Variants in SKIL observed in about 807,000 individuals in gnomAD.
The protein encoded by SKIL is SKI like proto-oncogene.
In SKIL, 20 loss-of-function variants were observed where a neutral mutation model predicts 69.6. That is an observed-to-expected ratio of 0.29 (90% CI 0.20 to 0.42). The LOEUF (loss-of-function observed/expected upper bound fraction) is 0.42. Ranked by LOEUF, SKIL falls within the 10% of genes least tolerant of loss-of-function variation. SKIL has a pLI of 1.00. For synonymous variants in SKIL, 310 were observed against 279.9 expected (o/e 1.11, Z -1.08); for missense variants, 745 against 783.1 (o/e 0.95, Z 0.58).
intron 2 of SKIL, among the ~76,000 whole-genome samples, chr3:170,377,694 G>C (rs1282732310): frequency 6.7e-6 from 1 of 148,490 alleles, no homozygotes; most frequent in African/African-American, 2.5e-5. Flanking sequence ...GATTACAGGC[G>C]CCTGCTGCCG....
At chr3:170,384,454 G>A (rs1210955876) in intron 3 of SKIL, 79 bp from the exon 4 acceptor site, 1 of 643,806 alleles carries the variant, frequency 1.6e-6, no homozygotes, top group African/African-American at 1.8e-5. Context: ...TTTAACCACA[G>A]AAATGCATGT....
intron 2 of SKIL, among the ~76,000 whole-genome samples, chr3:170,377,317 A>G (rs188880796): frequency 2.6e-5 from 4 of 151,066 alleles, no homozygotes; most frequent in African/African-American, 9.7e-5. Flanking sequence ...AGCTCACTGC[A>G]ACCTCTGTTC....
At chr3:170,382,557 C>A (rs6769273) in intron 3 of SKIL, among the ~76,000 whole-genome samples, 5,540 of 151,254 alleles carry the variant, frequency 0.037, 351 homozygotes, top group African/African-American at 0.13. Flanking sequence ...AGCCTGAGCG[C>A]CAGCTGTCAC....
At chr3:170,366,188 TAAAA>T (rs914479704) in intron 2 of SKIL, among the ~76,000 whole-genome samples, 2 of 151,880 alleles carry the variant, frequency 1.3e-5, no homozygotes, top group Non-Finnish European at 2.9e-5. Context: ...GCTTTTGGAT[TAAAA>T]AAAGTCCTGA....
chr3:170,361,392 A>G lies in SKIL; in HGVS notation c.1061A>G (p.Lys354Arg), dbSNP rs995049837. The G allele has an allele frequency of 5.6e-6, 9 of 1,596,046 alleles. No individual in the cohort carries two copies. The East Asian group carries it at 6.7e-5, about 12-fold the overall frequency. Residue 354 changes from lysine (K) to arginine (R), a missense_variant, in exon 2 of 7, where the codon AAG (lysine) becomes AGG (arginine). Coordinates refer to ENST00000259119, the MANE Select transcript of SKIL (RefSeq NM_005414.5). Reference protein sequence around the residue: ...LKIILEEMKEKFSMRSGKRNQ... With the variant: ...LKIILEEMKERFSMRSGKRNQ... Reference sequence around the variant, plus strand: ...ATAATTTTAGAAGAAATGAAGGAGAAGTTTAGCATGAGAAGTGGAAAGAGA... The same window carrying G: ...ATAATTTTAGAAGAAATGAAGGAGAGGTTTAGCATGAGAAGTGGAAAGAGA...
intron 2 of SKIL, among the ~76,000 whole-genome samples, chr3:170,364,935 T>A (rs573380029): frequency 2.4e-4 from 36 of 152,332 alleles, no homozygotes; most frequent in African/African-American, 7.7e-4. Context: ...TGAATTAGTG[T>A]TTGTGGTGTA....
At chr3:170,369,622 G>T (rs953741532) in intron 2 of SKIL, among the ~76,000 whole-genome samples, 1 of 151,984 alleles carries the variant, frequency 6.6e-6, no homozygotes, top group Non-Finnish European at 1.5e-5. Context: ...GGCTGATCTC[G>T]AACTCCGTAC....
At chr3:170,383,563 G>A (rs1425957857) in intron 3 of SKIL, among the ~76,000 whole-genome samples, 1 of 152,172 alleles carries the variant, frequency 6.6e-6, no homozygotes, top group Admixed American at 6.5e-5. Context: ...TTTTATGTGA[G>A]TTTTGGTCAA....
chr3:170,376,572 CAA>C (rs1209161595), intron 2 of SKIL, among the ~76,000 whole-genome samples: 41 of 152,084 alleles, frequency 2.7e-4, no homozygotes, highest in Non-Finnish European at 1.5e-5. Flanking sequence ...CACGTTGACT[CAA>C]GAGTTTTTAT....
At chr3:170,384,896 C>T (rs1028115741) in intron 4 of SKIL, 131 bp downstream of exon 4, 9 of 573,220 alleles carry the variant, frequency 1.6e-5, no homozygotes, top group Non-Finnish European at 2.7e-5. Context: ...AAATGCTACC[C>T]TTCAAAACTC....
At chr3:170,366,696 G>GACACACACACAC (rs376902100) in intron 2 of SKIL, among the ~76,000 whole-genome samples, 1,997 of 147,662 alleles carry the variant, frequency 0.014, 53 homozygotes, top group African/African-American at 0.047. Flanking sequence ...CACACACACA[G>GACACACACACAC]ACACACACAC....
intron 3 of SKIL, among the ~76,000 whole-genome samples, chr3:170,381,746 T>G (rs1035542787): frequency 2.0e-5 from 3 of 152,130 alleles, no homozygotes; most frequent in African/African-American, 7.2e-5. Flanking sequence ...AATTTATTTC[T>G]TTATTTTCAG....
intron 2 of SKIL, among the ~76,000 whole-genome samples, chr3:170,375,411 A>ACTG (rs1250876150): frequency 3.9e-5 from 6 of 152,134 alleles, no homozygotes; most frequent in African/African-American, 1.2e-4. Context: ...TATAAATCAA[A>ACTG]CTGTAGGGTT....
intron 2 of SKIL, 37 bp downstream of exon 2, chr3:170,361,466 GT>G: frequency 6.9e-7 from 1 of 1,451,690 alleles, no homozygotes; most frequent in Non-Finnish European, 9.3e-7. Context: ...AATGGTAATG[GT>G]TTACTTTGAA....
intron 3 of SKIL, among the ~76,000 whole-genome samples, chr3:170,382,764 G>C (rs1244749572): frequency 2.7e-5 from 4 of 145,730 alleles, no homozygotes; most frequent in Non-Finnish European, 1.5e-5. Context: ...TGTTGCCCAG[G>C]CTGGAGTGCA....
Position 170,378,549 on chromosome 3 carries a change from C to CTT in SKIL, c.1099-2694_1099-2693insTT, listed in dbSNP as rs1334169886. ...GAATTGGGAATTGGACTCTCTCTCT[C>CTT]TCTCTTTTTTTTTTTTTTTGGAGAC... is the stretch of plus-strand genomic sequence containing the variant. On this transcript the variant is annotated intron_variant, in intron 2 of 6. Coordinates refer to ENST00000259119, the MANE Select transcript of SKIL (RefSeq NM_005414.5). Among the ~76,000 whole-genome samples, 1,224 of 55,230 alleles carry CTT rather than the reference C, an allele frequency of 0.022. 25 individuals carry two copies. The East Asian group carries it at 0.25, about 11-fold the overall frequency. 36.2% of individuals were successfully genotyped at this position (55,230 alleles called of 152,430 possible).
Position 170,393,577 on chromosome 3 carries a change from C to T in SKIL, c.*1160C>T, listed in dbSNP as rs1454717043. 1 of 152,044 alleles carries T rather than the reference C, an allele frequency of 6.6e-6. No individual in the cohort carries two copies. Among genetic ancestry groups the T allele is most frequent in the African/African-American group, 2.4e-5 (1 of 41,416 alleles). The allele number at this position is 152,044 out of a possible 1,614,324, so 9.4% of individuals were successfully genotyped here. A position where few individuals can be genotyped will look rare whatever the true frequency, so the allele number is the denominator to read the frequency against. On this transcript the variant is annotated 3_prime_UTR_variant, in exon 7 of 7. Transcript: ENST00000259119. ...GTTTCAGGAGGGACAACATCTTCTG[C>T]ACTTTTTTTTTGCACAGAAAAGTCT... is the stretch of plus-strand genomic sequence containing the variant.
chr3:170,361,188 C>T lies in SKIL; in HGVS notation c.857C>T (p.Ala286Val), dbSNP rs774225079. 6.2e-7 allele frequency: 1 copy of T among 1,614,200 alleles called. No individual in the cohort carries two copies. Among genetic ancestry groups the T allele is most frequent in the Admixed American group, 1.7e-5 (1 of 60,012 alleles). The change falls in exon 2 of 7, where the codon GCT becomes GTT. Residue 286 changes from alanine to valine, a missense_variant. Ala to Val is a moderately conservative substitution (Grantham distance 64). Transcript: ENST00000259119. ...FAPQFYVQPD[A>V]PCIQCLECCG... is the part of the protein sequence containing the mutation. ...CCCCAGTTTTATGTTCAGCCTGATG[C>T]TCCGTGTATTCAATGTCTGGAGTGT... is the stretch of plus-strand genomic sequence containing the variant.
intron 2 of SKIL, among the ~76,000 whole-genome samples, chr3:170,361,819 G>A (rs949716560): frequency 4.7e-5 from 7 of 150,372 alleles, no homozygotes; most frequent in Admixed American, 4.0e-4. Flanking sequence ...ACTCCTGACC[G>A]CGTGATCCGC....
Sources: allele counts gnomAD v4.1 joint callset (sites outside exome capture counted in the v4.1 genomes callset), GRCh38; gene constraint gnomAD v4.1.1; transcripts MANE v1.5; gene names NCBI Gene and HGNC (gene_info 2026-07-23, HGNC 2026-07-21).